The following COQ7 variants were observed in gnomAD, a reference collection of about 807,000 sequenced individuals.
COQ7 encodes the protein coenzyme Q7, hydroxylase.
A neutral mutation model predicts 25.0 loss-of-function variants in COQ7; 21 were observed. The ratio of observed to expected loss-of-function variants is 0.84; its 90% CI spans 0.60 to 1.21. The LOEUF is 1.21. Ranked by LOEUF, COQ7 falls within the 50% of genes most tolerant of loss-of-function variation. The pLI is 0.00. For synonymous variants in COQ7, 125 were observed against 112.4 expected, an observed-to-expected ratio of 1.11 and a Z score of -0.71; for missense variants, 311 against 296.2, an observed-to-expected ratio of 1.05 and a Z score of -0.37.
chr16:19,080,120 A>G (rs1963061701), downstream of COQ7: 1 of 152,234 alleles, frequency 6.6e-6, no homozygotes, highest in South Asian at 2.1e-4. Context: ...CTTTAACAAG[A>G]ATTTGTAAAG....
At chr16:19,076,711 C>T (rs930925935) in intron 4 of COQ7, among the ~76,000 whole-genome samples, 7 of 151,482 alleles carry the variant, frequency 4.6e-5, no homozygotes, top group East Asian at 2.0e-4. Context: ...CCTGCCTCGG[C>T]GTCCCAGGTA....
At position 19,067,629 on chromosome 16, in the gene COQ7, C is replaced by T. The variant is rs776108097; in HGVS notation, c.-36C>T. ...AGCCAAGGGCACTATTGGCCAGTTCCGTTCAACGAAGTGGTTGCTTTTTTT... is the reference window on the plus strand; with the variant it reads ...AGCCAAGGGCACTATTGGCCAGTTCTGTTCAACGAAGTGGTTGCTTTTTTT... On this transcript the variant is annotated 5_prime_UTR_variant, in exon 1 of 6. Coordinates refer to ENST00000321998, the MANE Select transcript of COQ7 (RefSeq NM_016138.5). 1.2e-6 allele frequency: 2 copies of T among 1,613,022 alleles called. No homozygotes were observed. The highest frequency in any genetic ancestry group is 3.3e-5 in the Admixed American group (2 of 59,988).
chr16:19,077,604 T>TTTTTTC (rs1555522742), intron 5 of COQ7, among the ~76,000 whole-genome samples: 8 of 143,616 alleles, frequency 5.6e-5, no homozygotes, highest in Non-Finnish European at 9.1e-5. Flanking sequence ...TTTTTTTTTT[T>TTTTTTC]CCCAGACACA....
chr16:19,074,580 G>A (rs903298581), intron 3 of COQ7, among the ~76,000 whole-genome samples: 2 of 152,046 alleles, frequency 1.3e-5, no homozygotes, highest in African/African-American at 4.8e-5. Context: ...GTCTCACTCT[G>A]TTGCCCAGGC....
At position 19,078,288 on chromosome 16, in the gene COQ7, GT is replaced by G. The variant is rs34110874; in HGVS notation, c.*143del. ...ATTTTGTTAATAAATTATAAGGTTT[GT>G]TTTTTTTTTTTTAAACTCTGCAGTG... On this transcript the variant is annotated 3_prime_UTR_variant, in exon 6 of 6. Coordinates refer to ENST00000321998, the MANE Select transcript of COQ7 (RefSeq NM_016138.5). 0.062 allele frequency: 31,108 copies of G among 497,808 alleles called. 4 individuals carry two copies. The highest frequency in any genetic ancestry group is 0.1 in the East Asian group (2,138 of 20,606). The allele number at this position is 497,808 out of a possible 1,614,324, so 30.8% of individuals were successfully genotyped here.
chr16:19,075,663 T>C (rs754598247), intron 3 of COQ7, 58 bp from the exon 4 acceptor site: 3 of 1,505,398 alleles, frequency 2.0e-6, no homozygotes, highest in Non-Finnish European at 2.7e-6. Context: ...CCACAGATGG[T>C]CTCCATTACC....
chr16:19,077,590 C>CTTTTGTTTTTTTTTT (rs1962919014), intron 5 of COQ7, among the ~76,000 whole-genome samples: 1 of 74,378 alleles, frequency 1.3e-5, no homozygotes, highest in Non-Finnish European at 2.6e-5. Flanking sequence ...TCCCCAGAAG[C>CTTTTGTTTTTTTTTT]TTTTTTTTTT....
downstream of COQ7, among the ~76,000 whole-genome samples, chr16:19,082,595 C>T (rs568118029): frequency 6.6e-6 from 1 of 152,100 alleles, no homozygotes; most frequent in East Asian, 1.9e-4. Context: ...ACCAGCCTGG[C>T]CAAGATGGTG....
rs1259829197 is a variant in COQ7, at chr16:19,067,737, G to A, written c.73G>A (p.Ala25Thr). 2 of 1,601,084 alleles carry A rather than the reference G, an allele frequency of 1.2e-6. No homozygotes were observed. The highest frequency in any genetic ancestry group is 1.7e-5 in the Admixed American group (1 of 57,230). ...CCCGGGGGCCCGGCGGTCCCTCTCA[G>A]GTAAAAGGAGGCGCGCAGTCACAGT... Reference protein sequence around the residue: ...LRPGARRSLSAYGRRTSVRFR... With the variant: ...LRPGARRSLSTYGRRTSVRFR... Residue 25 changes from alanine (A) to threonine (T), a missense_variant and splice_region_variant, in exon 1 of 6, where the codon GCT becomes ACT. Transcript: ENST00000321998.
At chr16:19,077,045 C>G (rs933084134) in intron 4 of COQ7, among the ~76,000 whole-genome samples, 1 of 152,252 alleles carries the variant, frequency 6.6e-6, no homozygotes, top group Non-Finnish European at 1.5e-5. Context: ...CAAACTATGG[C>G]CTGTGGCCAG....
chr16:19,075,704 G>T lies in COQ7; in HGVS notation c.368-17G>T. 1 of 1,553,128 alleles carries T rather than the reference G, an allele frequency of 6.4e-7. No homozygotes were observed. On this transcript the variant is annotated splice_polypyrimidine_tract_variant and intron_variant, in intron 3 of 5. Coordinates refer to ENST00000321998, the MANE Select transcript of COQ7 (RefSeq NM_016138.5). ...TATCTGTCTCTTACTTTTCTGGTCT[G>T]GGTTTAACAATCCCAGGGGCGGGGA...
At chr16:19,071,065 C>T (rs1962530860) in intron 1 of COQ7, among the ~76,000 whole-genome samples, 1 of 152,174 alleles carries the variant, frequency 6.6e-6, no homozygotes, top group Admixed American at 6.5e-5. Flanking sequence ...GAAATCTAGG[C>T]TCCAAGGCTA....
At chr16:19,080,152 A>C (rs1963063184), downstream of COQ7, 1 of 152,198 alleles carries the variant, frequency 6.6e-6, no homozygotes, top group African/African-American at 2.4e-5. Flanking sequence ...GTTTACAAGA[A>C]TCTCACCTCA....
Position 19,075,745 on chromosome 16 carries a change from A to C in COQ7, c.392A>C (p.Lys131Thr). The change falls in exon 4 of 6, where the codon AAG becomes ACG. Residue 131 changes from lysine (K) to threonine (T), a missense_variant. By Grantham distance (78) the Lys-to-Thr change is moderately conservative. Coordinates refer to ENST00000321998, the MANE Select transcript of COQ7 (RefSeq NM_016138.5). ...GGGGCGGGGACCGCCTTGCTCGGGAAGGAAGGTGCCATGGCCTGCACCGTG... is the reference window on the plus strand; with the variant it reads ...GGGGCGGGGACCGCCTTGCTCGGGACGGAAGGTGCCATGGCCTGCACCGTG... Reference protein sequence around the residue: ...ALGAGTALLGKEGAMACTVAV... With the variant: ...ALGAGTALLGTEGAMACTVAV... 1 of 1,592,734 alleles carries C rather than the reference A, an allele frequency of 6.3e-7. No individual in the cohort carries two copies. Among genetic ancestry groups the C allele is most frequent in the Non-Finnish European group, 8.5e-7 (1 of 1,170,816 alleles).
Position 19,079,687 on chromosome 16 carries a change from T to A in COQ7, c.*1529T>A, listed in dbSNP as rs1318841930. On this transcript the variant is annotated 3_prime_UTR_variant, in exon 6 of 6. Transcript: ENST00000321998. ...CCTGAGCTAGATTATAAGATGCTTCTGGGAAAGAACCACATTTTAGGAATT... is the reference window on the plus strand; with the variant it reads ...CCTGAGCTAGATTATAAGATGCTTCAGGGAAAGAACCACATTTTAGGAATT... The A allele has an allele frequency of 6.6e-6, 1 of 152,216 alleles. No homozygotes were observed. The highest frequency in any genetic ancestry group is 1.9e-4 in the East Asian group (1 of 5,196). The allele number at this position is 152,216 out of a possible 1,614,324, so 9.4% of individuals were successfully genotyped here.
At chr16:19,070,709 C>T (rs1962509149) in intron 1 of COQ7, among the ~76,000 whole-genome samples, 1 of 151,988 alleles carries the variant, frequency 6.6e-6, no homozygotes, top group Non-Finnish European at 1.5e-5. Context: ...CAAGATCGCA[C>T]CTCTGTCTCC....
intron 1 of COQ7, 23 bp downstream of exon 1, chr16:19,067,760 AG>A: frequency 6.3e-7 from 1 of 1,592,136 alleles, no homozygotes; most frequent in Non-Finnish European, 8.5e-7. Context: ...GCGCAGTCAC[AG>A]TCCTGCGCCG....
At chr16:19,068,954 A>AG (rs1270029885) in intron 1 of COQ7, 6 of 421,646 alleles carry the variant, frequency 1.4e-5, no homozygotes, top group South Asian at 5.2e-5. Context: ...TCTGTTACAA[A>AG]GGGGAAATTA....
rs60523088 is a variant in COQ7 at position 19,077,590 on chromosome 16, C to CTTTT, written c.576+227_576+230dup. Among the ~76,000 whole-genome samples the CTTTT allele has an allele frequency of 5.9e-3, 442 of 74,414 alleles. 61 individuals are homozygous for CTTTT. Among genetic ancestry groups the CTTTT allele is most frequent in the East Asian group, 0.018 (36 of 2,018 alleles). 48.8% of individuals were successfully genotyped at this position (74,414 alleles called of 152,430 possible). On this transcript the variant is annotated intron_variant, in intron 5 of 5. Transcript: ENST00000321998. Reference sequence around the variant, plus strand: ...TATGCCTTCTCCTTTTCCCCAGAAGCTTTTTTTTTTTTTTCCCAGACACAG... The same window carrying CTTTT: ...TATGCCTTCTCCTTTTCCCCAGAAGCTTTTTTTTTTTTTTTTTTCCCAGACACAG...
Sources: allele counts gnomAD v4.1 joint callset (sites outside exome capture counted in the v4.1 genomes callset), GRCh38; gene constraint gnomAD v4.1.1; transcripts MANE v1.5; gene names NCBI Gene and HGNC (gene_info 2026-07-23, HGNC 2026-07-21).